Variants in RBFOX2 observed in about 807,000 individuals in gnomAD.
The protein encoded by RBFOX2 is RNA binding fox-1 homolog 2.
RBFOX2 carries 10 observed loss-of-function variants against 49.1 expected under a neutral mutation model. That is an observed-to-expected ratio of 0.20 (90% CI 0.13 to 0.35). The LOEUF (loss-of-function observed/expected upper bound fraction) is 0.35. Ranked by LOEUF, RBFOX2 falls within the 10% of genes least tolerant of loss-of-function variation. The pLI is 1.00. For missense variants in RBFOX2, 323 were observed against 486.9 expected (o/e 0.66, Z 3.17); for synonymous variants, 183 against 187.4 (o/e 0.98, Z 0.19).
At chr22:35,929,636 A>T (rs1603449955) in intron 1 of RBFOX2, among the ~76,000 whole-genome samples, 1 of 152,292 alleles carries the variant, frequency 6.6e-6, no homozygotes, top group East Asian at 1.9e-4. Flanking sequence ...TTTATATAAA[A>T]TGTCCAAAAG....
At chr22:35,863,270 C>T (rs2043302101) in intron 1 of RBFOX2, among the ~76,000 whole-genome samples, 1 of 151,788 alleles carries the variant, frequency 6.6e-6, no homozygotes, top group African/African-American at 2.4e-5. Context: ...ATTTCTGTAA[C>T]ATAAATCAAG....
At chr22:35,838,847 G>T (rs1375158474) in intron 1 of RBFOX2, among the ~76,000 whole-genome samples, 3 of 152,192 alleles carry the variant, frequency 2.0e-5, no homozygotes, top group Non-Finnish European at 4.4e-5. Flanking sequence ...AAATTACTTT[G>T]AAAAGATATA....
chr22:35,790,955 C>T (rs1947471259), intron 2 of RBFOX2, among the ~76,000 whole-genome samples: 2 of 151,950 alleles, frequency 1.3e-5, no homozygotes, highest in African/African-American at 4.8e-5. Context: ...CTGCAGTGAG[C>T]TATGATCATA....
At chr22:35,784,104 C>G (rs980902364) in intron 2 of RBFOX2, among the ~76,000 whole-genome samples, 1 of 152,214 alleles carries the variant, frequency 6.6e-6, no homozygotes, top group Admixed American at 6.5e-5. Flanking sequence ...TCCCAGGAAG[C>G]AAACCACATT....
At chr22:35,909,048 TAGTC>T (rs1415858793) in intron 1 of RBFOX2, among the ~76,000 whole-genome samples, 2 of 152,182 alleles carry the variant, frequency 1.3e-5, no homozygotes, top group Non-Finnish European at 1.5e-5. Context: ...TTCACTGTGT[TAGTC>T]AGGATGGTCT....
intron 1 of RBFOX2, among the ~76,000 whole-genome samples, chr22:36,025,160 T>C (rs1243552516): frequency 6.6e-6 from 1 of 152,228 alleles, no homozygotes; most frequent in Non-Finnish European, 1.5e-5. Context: ...TCTAAACCAC[T>C]GATACCATCT....
intron 1 of RBFOX2, among the ~76,000 whole-genome samples, chr22:36,010,381 T>C (rs1000670614): frequency 6.6e-5 from 10 of 152,066 alleles, no homozygotes; most frequent in African/African-American, 2.4e-4. Flanking sequence ...AAGGAACACC[T>C]TCCTCTGTGA....
intron 1 of RBFOX2, among the ~76,000 whole-genome samples, chr22:35,862,613 T>G (rs2043224250): frequency 1.3e-5 from 2 of 152,136 alleles, no homozygotes; most frequent in South Asian, 4.1e-4. Flanking sequence ...TCCACCTTCT[T>G]CCTTAAAGTA....
chr22:35,741,002 C>T (rs1302199728), exon 12 of RBFOX2: 2 of 152,188 alleles, frequency 1.3e-5, no homozygotes, highest in Admixed American at 1.3e-4. Context: ...CCCCAGTCCA[C>T]TTCTTTCTCA....
intron 1 of RBFOX2, among the ~76,000 whole-genome samples, chr22:35,892,515 A>G (rs2047370583): frequency 6.6e-6 from 1 of 152,186 alleles, no homozygotes; most frequent in South Asian, 2.1e-4. Context: ...GATAAGCTGT[A>G]ACTTTTACTC....
intron 2 of RBFOX2, among the ~76,000 whole-genome samples, chr22:35,807,949 A>G (rs867321620): frequency 5.3e-5 from 8 of 152,134 alleles, no homozygotes; most frequent in South Asian, 2.1e-4. Context: ...ATTATGAATA[A>G]CTTTATACCA....
intron 6 of RBFOX2, among the ~76,000 whole-genome samples, chr22:35,763,908 G>A (rs1939877855): frequency 6.6e-6 from 1 of 152,186 alleles, no homozygotes; most frequent in Non-Finnish European, 1.5e-5. Flanking sequence ...AACCTAGAAG[G>A]AGAACGTCTG....
chr22:35,952,518 TTAG>T (rs1165902196), intron 1 of RBFOX2, among the ~76,000 whole-genome samples: 16 of 152,222 alleles, frequency 1.1e-4, no homozygotes, highest in African/African-American at 3.9e-4. Context: ...TCATCACTTC[TTAG>T]TCTGTTCACT....
At chr22:35,762,139 T>C (rs1939123783) in intron 6 of RBFOX2, among the ~76,000 whole-genome samples, 2 of 152,230 alleles carry the variant, frequency 1.3e-5, no homozygotes, top group African/African-American at 4.8e-5. Context: ...TTAATCAGAC[T>C]TCTTAGCTAA....
intron 1 of RBFOX2, among the ~76,000 whole-genome samples, chr22:36,026,255 CAAA>C (rs796104651): frequency 6.0e-5 from 5 of 83,638 alleles, no homozygotes; most frequent in Non-Finnish European, 5.3e-5. Flanking sequence ...CCAGCCTGGG[CAAA>C]AAAAAAAAAA....
intron 1 of RBFOX2, among the ~76,000 whole-genome samples, chr22:35,949,986 C>T (rs2054733809): frequency 6.6e-6 from 1 of 152,094 alleles, no homozygotes; most frequent in Non-Finnish European, 1.5e-5. Context: ...AATCCACTGC[C>T]AATTCCAAGG....
At chr22:35,990,115 A>G (rs960097917) in intron 1 of RBFOX2, among the ~76,000 whole-genome samples, 1 of 152,146 alleles carries the variant, frequency 6.6e-6, no homozygotes, top group Non-Finnish European at 1.5e-5. Flanking sequence ...CTCAGGAGGC[A>G]GAGGTTGCAG....
chr22:35,828,256 C>T (rs574168206), intron 1 of RBFOX2, among the ~76,000 whole-genome samples: 29 of 151,972 alleles, frequency 1.9e-4, no homozygotes, highest in Middle Eastern at 6.8e-3. Flanking sequence ...AAGACATTGT[C>T]TAGTAGGCAA....
chr22:35,908,203 T>G (rs1255347112), intron 1 of RBFOX2, among the ~76,000 whole-genome samples: 1 of 152,228 alleles, frequency 6.6e-6, no homozygotes, highest in Non-Finnish European at 1.5e-5. Flanking sequence ...ACTCAGTTTC[T>G]TCACCTGCAA....
Sources: allele counts gnomAD v4.1 joint callset (sites outside exome capture counted in the v4.1 genomes callset), GRCh38; gene constraint gnomAD v4.1.1; transcripts MANE v1.5; gene names NCBI Gene and HGNC (gene_info 2026-07-23, HGNC 2026-07-21).